STXBP5L: variants seen among roughly 807,000 people sequenced by gnomAD.
STXBP5L encodes the protein syntaxin-binding protein 5-like.
In STXBP5L, 65 loss-of-function variants were observed where a neutral mutation model predicts 144.5. The observed-to-expected ratio is 0.45, with a 90% CI of 0.37 to 0.55. The LOEUF (loss-of-function observed/expected upper bound fraction) is 0.55. Ranked by LOEUF, STXBP5L falls within the 20% of genes least tolerant of loss-of-function variation. The pLI is 0.00. For missense variants in STXBP5L, 1,298 were observed against 1,405.5 expected (o/e 0.92, Z 1.22); for synonymous variants, 505 against 469.6 (o/e 1.08, Z -0.97).
chr3:121,171,066 C>T (rs1417595994), intron 9 of STXBP5L, among the ~76,000 whole-genome samples: 2 of 152,142 alleles, frequency 1.3e-5, no homozygotes, highest in East Asian at 1.9e-4. Flanking sequence ...TAAACCATCA[C>T]ATAAACAGAA....
Position 121,419,127 on chromosome 3 carries a change from A to G in STXBP5L, c.*30A>G. On this transcript the variant is annotated 3_prime_UTR_variant, in exon 27 of 27. Coordinates refer to ENST00000471454, the MANE Select transcript of STXBP5L (RefSeq NM_001308330.2). ...TAAAGAAGCTGTGACTGCTTTGAGA[A>G]ACCATATTCAGGGAAACCAAATTTA... 6.2e-7 allele frequency: 1 copy of G among 1,605,572 alleles called. No individual in the cohort carries two copies. Among genetic ancestry groups the G allele is most frequent in the South Asian group, 1.1e-5 (1 of 89,230 alleles).
At chr3:121,095,826 T>G (rs1004174678) in intron 5 of STXBP5L, among the ~76,000 whole-genome samples, 1 of 152,192 alleles carries the variant, frequency 6.6e-6, no homozygotes, top group African/African-American at 2.4e-5. Flanking sequence ...CTGTTGCTGG[T>G]GAGGAACTGT....
intron 10 of STXBP5L, among the ~76,000 whole-genome samples, chr3:121,214,842 T>G (rs1351624054): frequency 1.3e-5 from 2 of 151,454 alleles, no homozygotes; most frequent in East Asian, 1.9e-4. Flanking sequence ...GGAGTCTAAG[T>G]TTTTTTTTGT....
chr3:121,103,100 G>T (rs555238605), intron 5 of STXBP5L, among the ~76,000 whole-genome samples: 1 of 152,290 alleles, frequency 6.6e-6, no homozygotes, highest in South Asian at 2.1e-4. Context: ...TACACCTTTG[G>T]TGGGAATGTT....
At chr3:121,350,040 T>G (rs935910441) in intron 20 of STXBP5L, among the ~76,000 whole-genome samples, 3 of 152,126 alleles carry the variant, frequency 2.0e-5, no homozygotes, top group African/African-American at 4.8e-5. Flanking sequence ...GTTGATGCAG[T>G]TTCTCCCTAG....
At chr3:121,378,252 G>C (rs916416237) in intron 20 of STXBP5L, among the ~76,000 whole-genome samples, 3 of 152,090 alleles carry the variant, frequency 2.0e-5, no homozygotes, top group Non-Finnish European at 4.4e-5. Flanking sequence ...CAGGTTTATA[G>C]GTACAGCAAA....
In STXBP5L at chr3:121,418,306, T is replaced by C. The variant is rs2047285021; in HGVS notation, c.3227-31T>C. ...TTGACTGTTTGAATTACTGACAAAATGTTTTAAATTGCTATTGCATATATT... is the reference window on the plus strand; with the variant it reads ...TTGACTGTTTGAATTACTGACAAAACGTTTTAAATTGCTATTGCATATATT... On this transcript the variant is annotated intron_variant, in intron 25 of 26. Coordinates refer to ENST00000471454, the MANE Select transcript of STXBP5L (RefSeq NM_001308330.2). 6 of 1,590,514 alleles carry C rather than the reference T, an allele frequency of 3.8e-6. No homozygotes were observed. The South Asian group carries it at 6.8e-5, about 18-fold the overall frequency.
At chr3:120,921,729 C>T (rs1036266698) in intron 2 of STXBP5L, among the ~76,000 whole-genome samples, 15 of 151,948 alleles carry the variant, frequency 9.9e-5, no homozygotes, top group Admixed American at 8.5e-4. Flanking sequence ...AAGAAACTCT[C>T]CCCACTGAAT....
intron 3 of STXBP5L, among the ~76,000 whole-genome samples, chr3:121,001,454 T>A (rs1490114990): frequency 1.3e-5 from 2 of 152,206 alleles, no homozygotes; most frequent in Non-Finnish European, 2.9e-5. Flanking sequence ...CTAAGCCACC[T>A]GGAACAGTGT....
intron 3 of STXBP5L, among the ~76,000 whole-genome samples, chr3:120,991,617 G>A (rs533763121): frequency 1.2e-3 from 177 of 152,306 alleles, no homozygotes; most frequent in African/African-American, 4.2e-3. Flanking sequence ...TTAAGAAAAT[G>A]TGGCACATAT....
chr3:121,038,819 C>T lies in STXBP5L; in HGVS notation c.288-2881C>T, dbSNP rs145491072. 2.2e-3 allele frequency among the ~76,000 whole-genome samples: 338 copies of T among 151,628 alleles called. 2 individuals carry two copies. The highest frequency in any genetic ancestry group is 0.01 in the Middle Eastern group (3 of 294). On this transcript the variant is annotated intron_variant, in intron 3 of 26. Transcript: ENST00000471454. ...TTTTTATGTTTTTTTAATAATTTAA[C>T]CCATTTATTATTATGAAGTGACCAC... is the stretch of plus-strand genomic sequence containing the variant.
chr3:121,003,556 A>T (rs1025031618), intron 3 of STXBP5L, among the ~76,000 whole-genome samples: 3 of 152,086 alleles, frequency 2.0e-5, no homozygotes, highest in Admixed American at 1.3e-4. Context: ...CTTTAGTTTA[A>T]TTAGATCCCA....
Position 121,318,506 on chromosome 3 carries a change from C to T in STXBP5L, c.2142C>T (p.Pro714=). The change falls in exon 20 of 27, where the codon CCC becomes CCT. Residue 714 remains proline, a synonymous_variant. Transcript: ENST00000471454. ...GLTELNDSPV[P]LELERCKSPT... ...CTGAACTGAATGACAGTCCAGTTCC[C>T]CTAGAACTTGAGCGCTGCAAGTCTC... 6.4e-7 allele frequency: 1 copy of T among 1,564,196 alleles called. No homozygotes were observed. Among genetic ancestry groups the T allele is most frequent in the African/African-American group, 1.4e-5 (1 of 72,868 alleles).
At chr3:121,235,085 G>A (rs2049433111) in intron 12 of STXBP5L, among the ~76,000 whole-genome samples, 1 of 151,478 alleles carries the variant, frequency 6.6e-6, no homozygotes, top group Non-Finnish European at 1.5e-5. Flanking sequence ...ACATTCTTGT[G>A]CTTTTCATTA....
chr3:121,120,103 G>A (rs1256687187), intron 6 of STXBP5L, among the ~76,000 whole-genome samples: 1 of 151,188 alleles, frequency 6.6e-6, no homozygotes, highest in Non-Finnish European at 1.5e-5. Flanking sequence ...ATTCTGTAGG[G>A]GAAATAATAT....
chr3:120,961,662 C>G (rs568549443), intron 3 of STXBP5L, among the ~76,000 whole-genome samples: 12 of 152,304 alleles, frequency 7.9e-5, no homozygotes, highest in African/African-American at 2.6e-4. Flanking sequence ...TTTTCTTAAT[C>G]CAGTCTATCA....
chr3:120,961,499 C>T (rs1203676169), intron 3 of STXBP5L, among the ~76,000 whole-genome samples: 1 of 152,110 alleles, frequency 6.6e-6, no homozygotes, highest in Non-Finnish European at 1.5e-5. Context: ...GTTCAATTCC[C>T]CTCTATAAGT....
intron 2 of STXBP5L, among the ~76,000 whole-genome samples, chr3:120,945,672 T>G (rs866370096): frequency 6.6e-6 from 1 of 151,888 alleles, no homozygotes. Flanking sequence ...AAAACGAAGC[T>G]GGTATTGGCA....
At chr3:121,057,088 ATAACATGC>A (rs1008107852) in intron 5 of STXBP5L, among the ~76,000 whole-genome samples, 1 of 151,824 alleles carries the variant, frequency 6.6e-6, no homozygotes, top group Non-Finnish European at 1.5e-5. Flanking sequence ...AGAAAACTGC[ATAACATGC>A]TACATAACAA....
Sources: gnomAD v4.1 joint callset for allele counts (sites outside exome capture counted in the v4.1 genomes callset) on GRCh38, gnomAD v4.1.1 for gene constraint, MANE v1.5 for transcripts, NCBI Gene and HGNC (gene_info 2026-07-23, HGNC 2026-07-21) for gene names.